Variants in SLC37A1 observed in about 807,000 individuals in gnomAD.
SLC37A1 encodes glucose-6-phosphate exchanger SLC37A1.
Under a neutral mutation model 75.3 loss-of-function variants are expected in SLC37A1, and 49 were observed. That is an observed-to-expected ratio of 0.65 (90% confidence interval 0.52 to 0.83). The LOEUF is 0.83. SLC37A1 is among the 40% of genes least tolerant of loss of function. SLC37A1 has a pLI of 0.00. For missense variants in SLC37A1, 566 were observed against 695.0 expected (o/e 0.81, Z 2.09); for synonymous variants, 268 against 292.1 (o/e 0.92, Z 0.84).
At chr21:42,523,183 ATCC>A (rs147731299) in intron 2 of SLC37A1, among the ~76,000 whole-genome samples, 1,920 of 152,324 alleles carry the variant, frequency 0.013, 37 homozygotes, top group African/African-American at 0.044. Context: ...TGGTTGGAGA[ATCC>A]TCCTGCATGG....
intron 17 of SLC37A1, among the ~76,000 whole-genome samples, chr21:42,571,855 C>G (rs148516842): frequency 6.6e-6 from 1 of 152,176 alleles, no homozygotes; most frequent in Non-Finnish European, 1.5e-5. Flanking sequence ...TTCCCTGCAC[C>G]GTGGTCGCCA....
At position 42,569,483 on chromosome 21, in the gene SLC37A1, A is replaced by ACCTCGTGCCGCACTC. The variant is rs145509377; in HGVS notation, c.1423+1115_1423+1129dup. 9.5e-3 allele frequency among the ~76,000 whole-genome samples: 643 copies of ACCTCGTGCCGCACTC among 67,728 alleles called. 7 individuals are homozygous for ACCTCGTGCCGCACTC. Among genetic ancestry groups the ACCTCGTGCCGCACTC allele is most frequent in the Admixed American group, 0.046 (294 of 6,406 alleles). The allele number at this position is 67,728 out of a possible 152,430, so 44.4% of individuals were successfully genotyped here. On this transcript the variant is annotated intron_variant, in intron 17 of 19. Coordinates refer to ENST00000352133, the MANE Select transcript of SLC37A1 (RefSeq NM_001320537.2). ...GTGCCTGGGAAGGTCCCCACAGGTG[A>ACCTCGTGCCGCACTC]CCTCGTGCCGCACTCCCTCGTGCCG... is the stretch of plus-strand genomic sequence containing the variant.
rs373179965 is a variant in SLC37A1 at position 42,549,443 on chromosome 21, G to A, written c.768+2303G>A. Among the ~76,000 whole-genome samples, 25 of 152,326 alleles carry A rather than the reference G, an allele frequency of 1.6e-4. 1 individual carries two copies. Among genetic ancestry groups the A allele is most frequent in the African/African-American group, 5.1e-4 (21 of 41,570 alleles). On this transcript the variant is annotated intron_variant, in intron 9 of 19. Transcript: ENST00000352133. ...GAGCAGTTCACTGAGATCTACTGGT[G>A]CCCAGGTGTCCCCGACGTGCCCTGA... is the stretch of plus-strand genomic sequence containing the variant.
chr21:42,525,070 G>A (rs945683723), intron 2 of SLC37A1, among the ~76,000 whole-genome samples: 1 of 152,210 alleles, frequency 6.6e-6, no homozygotes, highest in Non-Finnish European at 1.5e-5. Flanking sequence ...AGCGTTTGGG[G>A]GCTTGCAGGC....
chr21:42,534,653 G>A, intron 3 of SLC37A1, 45 bp from the exon 4 acceptor site: 2 of 1,586,322 alleles, frequency 1.3e-6, no homozygotes, highest in Non-Finnish European at 8.6e-7. Flanking sequence ...GAGCCTCACT[G>A]AGGGCACTTC....
intron 4 of SLC37A1, among the ~76,000 whole-genome samples, chr21:42,535,189 A>C (rs971612109): frequency 6.6e-6 from 1 of 152,236 alleles, no homozygotes; most frequent in African/African-American, 2.4e-5. Context: ...CGTAAAAGAA[A>C]AGGCATCAAT....
chr21:42,561,781 G>A (rs926815421), intron 11 of SLC37A1: 7 of 334,878 alleles, frequency 2.1e-5, no homozygotes, highest in Non-Finnish European at 3.3e-5. Flanking sequence ...ATCTGGCCAC[G>A]CTGGGCCTGC....
intron 2 of SLC37A1, 113 bp downstream of exon 2, chr21:42,518,623 T>C (rs547792365): frequency 8.4e-7 from 1 of 1,193,944 alleles, no homozygotes; most frequent in South Asian, 1.3e-5. Flanking sequence ...CTTGAATCAC[T>C]GACCTCACCC....
chr21:42,510,318 G>A (rs751825615), upstream of SLC37A1, among the ~76,000 whole-genome samples: 20 of 152,104 alleles, frequency 1.3e-4, no homozygotes, highest in Admixed American at 4.6e-4. Flanking sequence ...GAGCCATAGC[G>A]CCTGGCCTAA....
chr21:42,536,263 A>G (rs2055135481), intron 5 of SLC37A1, among the ~76,000 whole-genome samples: 1 of 152,242 alleles, frequency 6.6e-6, no homozygotes, highest in Non-Finnish European at 1.5e-5. Flanking sequence ...CCCCTTTGCA[A>G]CATGGAGGAA....
intron 3 of SLC37A1, among the ~76,000 whole-genome samples, chr21:42,526,936 A>G (rs1184902064): frequency 6.6e-6 from 1 of 152,240 alleles, no homozygotes; most frequent in Admixed American, 6.5e-5. Flanking sequence ...CAGTCATTAT[A>G]AATCTGAATA....
intron 7 of SLC37A1, 144 bp downstream of exon 7, chr21:42,542,624 G>A (rs1387919774): frequency 2.5e-6 from 2 of 798,092 alleles, no homozygotes; most frequent in Non-Finnish European, 3.9e-6. Context: ...TTGAATTGCT[G>A]AAATTCAGAT....
intron 2 of SLC37A1, among the ~76,000 whole-genome samples, chr21:42,523,927 T>C (rs998965554): frequency 2.0e-5 from 3 of 151,588 alleles, no homozygotes; most frequent in African/African-American, 4.9e-5. Flanking sequence ...TCTGGAAATA[T>C]TTATTTGACC....
intron 1 of SLC37A1, among the ~76,000 whole-genome samples, chr21:42,515,704 G>T (rs2054510637): frequency 6.6e-6 from 1 of 152,108 alleles, no homozygotes; most frequent in African/African-American, 2.4e-5. Context: ...GGGTACATGT[G>T]CAGGTTTTAC....
chr21:42,506,917 C>T (rs1395717832), intron 2 of SLC37A1, among the ~76,000 whole-genome samples: 1 of 152,162 alleles, frequency 6.6e-6, no homozygotes, highest in Admixed American at 6.5e-5. Context: ...GACTCTCACT[C>T]TGTCACCAAG....
intron 1 of SLC37A1, among the ~76,000 whole-genome samples, chr21:42,501,334 G>A (rs1160274599): frequency 1.3e-5 from 2 of 152,164 alleles, no homozygotes; most frequent in Admixed American, 6.5e-5. Context: ...CTTCTAGGTC[G>A]AGTACTAGGG....
intron 3 of SLC37A1, 79 bp downstream of exon 3, chr21:42,525,936 G>A: frequency 9.7e-7 from 1 of 1,032,798 alleles, no homozygotes; most frequent in Non-Finnish European, 1.5e-6. Context: ...AGAGGATGGG[G>A]ATGGTAGCAG....
intron 2 of SLC37A1, among the ~76,000 whole-genome samples, chr21:42,524,288 T>G (rs529685504): frequency 6.6e-6 from 1 of 150,492 alleles, no homozygotes; most frequent in African/African-American, 2.4e-5. Context: ...CCCATTTTGT[T>G]GCCCCAAAAA....
At chr21:42,534,005 A>G (rs1231219867) in intron 3 of SLC37A1, among the ~76,000 whole-genome samples, 7 of 152,188 alleles carry the variant, frequency 4.6e-5, no homozygotes, top group Admixed American at 4.6e-4. Flanking sequence ...ACAAATCTTC[A>G]GTGTACAGTT....
Sources: allele counts gnomAD v4.1 joint callset (sites outside exome capture counted in the v4.1 genomes callset), GRCh38; gene constraint gnomAD v4.1.1; transcripts MANE v1.5; gene names NCBI Gene and HGNC (gene_info 2026-07-23, HGNC 2026-07-21).